H2BC12: variants seen among roughly 807,000 people sequenced by gnomAD.
The protein encoded by H2BC12 is H2B clustered histone 12, also known as histone H2B type 1-K.
Under a neutral mutation model 6.3 loss-of-function variants are expected in H2BC12, and 6 were observed. That is an observed-to-expected ratio of 0.95 (90% CI 0.52 to 1.87). The LOEUF (loss-of-function observed/expected upper bound fraction) is 1.87, where lower values mean the gene tolerates loss of function less well. Among genes scored for constraint, H2BC12 ranks in the 40% most tolerant of loss-of-function variants. The probability of loss-of-function intolerance (pLI) is 0.01; values close to 1 mark genes in which losing one functional copy is unlikely to be tolerated. For missense variants in H2BC12, 119 were observed against 178.4 expected, an observed-to-expected ratio of 0.67 and a Z score of 1.90; for synonymous variants, 132 against 78.5, an observed-to-expected ratio of 1.68 and a Z score of -3.60.
chr6:27,146,795 G>A lies in H2BC12; in HGVS notation c.4C>T (p.Pro2Ser), dbSNP rs1401952680. 1 of 1,613,842 alleles carries A rather than the reference G, an allele frequency of 6.2e-7. No individual in the cohort carries two copies. Among genetic ancestry groups the A allele is most frequent in the Non-Finnish European group, 8.5e-7 (1 of 1,179,882 alleles). ...GCGGGAGCGGACTTCGCTGGTTCCG[G>A]CATGTTGAAGGCGAACTACGAGCCT... M[P>S]EPAKSAPAPK... Residue 2 changes from proline (P) to serine (S), a missense_variant, in exon 1 of 1, where the codon CCG (proline) becomes TCG (serine). Physicochemically the swap from Pro to Ser is moderately conservative, Grantham distance 74. Around this residue, in one of 2 missense-constraint regions of H2BC12, gnomAD observed 50 missense variants for 37.4 expected, o/e 1.34. Transcript: ENST00000356950.
chr6:27,139,148 A>G, the H2BC12 span: 1 of 679,796 alleles, frequency 1.5e-6, no homozygotes, highest in Non-Finnish European at 2.4e-6. Flanking sequence ...AACAAGAGGG[A>G]GTAGAGCACA....
At chr6:27,146,314 T>C, downstream of H2BC12, 1 of 1,559,120 alleles carries the variant, frequency 6.4e-7, no homozygotes. Flanking sequence ...CGCCCGAATT[T>C]AAGCCTGGAT....
chr6:27,140,955 G>A, the H2BC12 span, among the ~76,000 whole-genome samples: 1 of 150,572 alleles, frequency 6.6e-6, no homozygotes, highest in Admixed American at 6.6e-5. Context: ...TAATAATGTT[G>A]GATTTATATT....
the H2BC12 span, chr6:27,139,684 A>G: frequency 6.6e-7 from 1 of 1,523,462 alleles, no homozygotes; most frequent in Middle Eastern, 1.9e-4. Flanking sequence ...AGCTTTCAAC[A>G]AAAGAGTTGA....
the H2BC12 span, chr6:27,139,305 GATA>G: frequency 6.2e-7 from 1 of 1,601,148 alleles, no homozygotes; most frequent in Non-Finnish European, 8.5e-7. Context: ...CTGACCACTT[GATA>G]ATGTCAGGAC....
downstream of H2BC12, among the ~76,000 whole-genome samples, chr6:27,142,248 T>C (rs1237574358): frequency 6.6e-6 from 1 of 152,204 alleles, no homozygotes; most frequent in Non-Finnish European, 1.5e-5. Flanking sequence ...TTCTGTCAAA[T>C]AGGATACACT....
the H2BC12 span, among the ~76,000 whole-genome samples, chr6:27,141,092 A>G: frequency 2.0e-5 from 3 of 151,810 alleles, no homozygotes; most frequent in Non-Finnish European, 4.4e-5. Flanking sequence ...TTATGTCCTG[A>G]TTTGGCTTGA....
the H2BC12 span, chr6:27,138,932 T>G: frequency 1.2e-5 from 2 of 168,592 alleles, no homozygotes; most frequent in Non-Finnish European, 2.5e-5. Context: ...TATATTTCCA[T>G]TGTATATTAA....
chr6:27,143,039 G>A (rs757241652), downstream of H2BC12, among the ~76,000 whole-genome samples: 2 of 152,054 alleles, frequency 1.3e-5, no homozygotes, highest in Non-Finnish European at 1.5e-5. Context: ...TGAGAAAGTA[G>A]GATAAAGCAA....
downstream of H2BC12, chr6:27,146,271 G>GT: frequency 7.5e-7 from 1 of 1,339,102 alleles, no homozygotes; most frequent in Non-Finnish European, 1.0e-6. Flanking sequence ...ATTACTCAGT[G>GT]TGATAAGATC....
the H2BC12 span, chr6:27,139,244 G>A: frequency 6.6e-7 from 1 of 1,515,714 alleles, no homozygotes; most frequent in Non-Finnish European, 8.9e-7. Flanking sequence ...CTGGTCCGCA[G>A]AGGTTACCCA....
At chr6:27,142,302 C>T (rs369026272), downstream of H2BC12, among the ~76,000 whole-genome samples, 45 of 152,200 alleles carry the variant, frequency 3.0e-4, 2 homozygotes, top group East Asian at 3.3e-3. Context: ...GACGAACTCT[C>T]GCTTTCGTCC....
chr6:27,139,343 G>A, the H2BC12 span: 4 of 1,613,496 alleles, frequency 2.5e-6, no homozygotes, highest in African/African-American at 1.3e-5. Context: ...AAGGGCCTGG[G>A]GAAAGGGGGT....
the H2BC12 span, chr6:27,139,255 TA>T: frequency 6.5e-7 from 1 of 1,532,202 alleles, no homozygotes; most frequent in Non-Finnish European, 8.8e-7. Context: ...AGGTTACCCA[TA>T]AAAGAAAGCT....
rs1760095697 is a variant in H2BC12 at position 27,146,742 on chromosome 6, C to A, written c.57G>T (p.Val19=). 1 of 1,614,260 alleles carries A rather than the reference C, an allele frequency of 6.2e-7. No homozygotes were observed. The highest frequency in any genetic ancestry group is 8.5e-7 in the Non-Finnish European group (1 of 1,180,046). The stretch of plus-strand genomic sequence containing the variant: ...TGCCGTCCTTCTTCTGCGCCTTAGT[C>A]ACGGCTTTCTTCGAGCCCTTCTTGG... ...PAPKKGSKKA[V]TKAQKKDGKK... is the part of the protein sequence containing the mutation. The change falls in exon 1 of 1, where the codon GTG becomes GTT. Residue 19 remains valine, a synonymous_variant. Coordinates refer to ENST00000356950, the MANE Select transcript of H2BC12 (RefSeq NM_001312653.2).
chr6:27,144,305 T>C (rs1760042035), downstream of H2BC12, among the ~76,000 whole-genome samples: 1 of 151,922 alleles, frequency 6.6e-6, no homozygotes, highest in Non-Finnish European at 1.5e-5. Context: ...CTACTAAAAA[T>C]ACAAAAATTA....
chr6:27,144,635 GAAAGT>G (rs1188283303), downstream of H2BC12, among the ~76,000 whole-genome samples: 2 of 151,222 alleles, frequency 1.3e-5, no homozygotes, highest in African/African-American at 2.4e-5. Context: ...AAAAAGGACT[GAAAGT>G]AAATTGTATA....
At chr6:27,139,171 C>A in the H2BC12 span, 8 of 875,776 alleles carry the variant, frequency 9.1e-6, no homozygotes, top group Non-Finnish European at 5.1e-6. Flanking sequence ...AGGCCTGTTT[C>A]CCTTTTAGGT....
the H2BC12 span, chr6:27,139,631 G>A: frequency 1.2e-6 from 2 of 1,600,998 alleles, no homozygotes; most frequent in African/African-American, 2.7e-5. Context: ...ATGGCATTTT[G>A]AAGCCCAGTC....
Sources: gnomAD v4.1 joint callset for allele counts (sites outside exome capture counted in the v4.1 genomes callset) on GRCh38, gnomAD v4.1.1 for gene constraint, gnomAD v4.1.1 regional missense constraint, MANE v1.5 for transcripts, NCBI Gene and HGNC (gene_info 2026-07-23, HGNC 2026-07-21) for gene names.